Variants in SYT1 observed in about 807,000 individuals in gnomAD.
SYT1 encodes the protein synaptotagmin-1.
In SYT1, 8 loss-of-function variants were observed where a neutral mutation model predicts 44.8. The observed-to-expected ratio is 0.18, with a 90% CI of 0.10 to 0.32. SYT1 has a LOEUF of 0.32. Among genes scored for constraint, SYT1 ranks in the 10% least tolerant of loss-of-function variants. The pLI is 1.00. For missense variants in SYT1, 286 were observed against 509.3 expected (o/e 0.56, Z 4.22); for synonymous variants, 154 against 188.8 (o/e 0.82, Z 1.51).
At position 79,014,040 on chromosome 12, in the gene SYT1, G is replaced by A. The variant is rs1023081777; in HGVS notation, c.-83-33257G>A. ...CTCGGGATCATGAGGCAGGAGAATCGCTTGAACCCAGGAGGCAAGGGTTGC... is the reference window on the plus strand; with the variant it reads ...CTCGGGATCATGAGGCAGGAGAATCACTTGAACCCAGGAGGCAAGGGTTGC... On this transcript the variant is annotated intron_variant, in intron 2 of 10. Coordinates refer to ENST00000261205, the MANE Select transcript of SYT1 (RefSeq NM_005639.3). Among the ~76,000 whole-genome samples the A allele has an allele frequency of 1.1e-3, 157 of 146,936 alleles. 1 individual carries two copies. Among genetic ancestry groups the A allele is most frequent in the Non-Finnish European group, 3.4e-4 (23 of 67,438 alleles).
chr12:79,385,931 T>A (rs980901914), intron 9 of SYT1, among the ~76,000 whole-genome samples: 1 of 152,070 alleles, frequency 6.6e-6, no homozygotes, highest in African/African-American at 2.4e-5. Flanking sequence ...GCTAGAAAAA[T>A]CTTGTAGTCA....
intron 3 of SYT1, among the ~76,000 whole-genome samples, chr12:79,143,232 CA>C (rs1163203755): frequency 1.3e-5 from 2 of 152,206 alleles, no homozygotes; most frequent in Non-Finnish European, 2.9e-5. Flanking sequence ...TTTATACACA[CA>C]TAACATCCAA....
At chr12:79,396,684 A>G (rs1250204068) in intron 9 of SYT1, among the ~76,000 whole-genome samples, 2 of 152,164 alleles carry the variant, frequency 1.3e-5, no homozygotes, top group African/African-American at 2.4e-5. Flanking sequence ...TGTGACTCAA[A>G]TACTTTGTGT....
chr12:79,421,006 C>A (rs1310471929), intron 9 of SYT1, among the ~76,000 whole-genome samples: 1 of 152,046 alleles, frequency 6.6e-6, no homozygotes, highest in African/African-American at 2.4e-5. Context: ...AGATGCTTTC[C>A]TTTAAACAAA....
At chr12:78,906,321 A>G (rs181655787) in intron 1 of SYT1, among the ~76,000 whole-genome samples, 65 of 152,246 alleles carry the variant, frequency 4.3e-4, no homozygotes, top group Middle Eastern at 3.4e-3. Context: ...TTTCCTCATG[A>G]CAAGTGGAAG....
At chr12:78,931,222 A>AG (rs1877649601) in intron 1 of SYT1, among the ~76,000 whole-genome samples, 5 of 59,094 alleles carry the variant, frequency 8.5e-5, no homozygotes, top group African/African-American at 4.8e-4. Flanking sequence ...AAAGAAAGAA[A>AG]GAAAGAAAGA....
In SYT1 at chr12:79,051,476, T is replaced by C. The variant is rs375982883; in HGVS notation, c.-18+4114T>C. Among the ~76,000 whole-genome samples, 18 of 151,322 alleles carry C rather than the reference T, an allele frequency of 1.2e-4. No individual in the cohort carries two copies. In the East Asian group the frequency reaches 2.1e-3, roughly 18 times the overall value. Reference sequence around the variant, plus strand: ...TAATCCATCTCCACCTAATATTTATTAATGATAAGTAGTAAAGAAAAATAA... The same window carrying C: ...TAATCCATCTCCACCTAATATTTATCAATGATAAGTAGTAAAGAAAAATAA... On this transcript the variant is annotated intron_variant, in intron 3 of 10. Coordinates refer to ENST00000261205, the MANE Select transcript of SYT1 (RefSeq NM_005639.3).
chr12:79,100,220 G>T (rs1351627971), intron 3 of SYT1, among the ~76,000 whole-genome samples: 1 of 151,886 alleles, frequency 6.6e-6, no homozygotes, highest in East Asian at 1.9e-4. Context: ...TATGTTTATC[G>T]CCCATTTTAT....
rs375495790 is a variant in SYT1 at position 79,117,758 on chromosome 12, AAC to A, written c.-18+70400_-18+70401del. 2.8e-4 allele frequency among the ~76,000 whole-genome samples: 40 copies of A among 140,656 alleles called. 1 individual carries two copies. The East Asian group carries it at 7.9e-3, about 28-fold the overall frequency. 92.3% of individuals were successfully genotyped at this position (140,656 alleles called of 152,430 possible). ...ACAGAAGATTTTCAAACCAATCATT[AAC>A]ACATGTAAGAGCTAGGTCATATTAT... On this transcript the variant is annotated intron_variant, in intron 3 of 10. Coordinates refer to ENST00000261205, the MANE Select transcript of SYT1 (RefSeq NM_005639.3).
chr12:79,149,356 GT>G (rs1173374947), intron 3 of SYT1, among the ~76,000 whole-genome samples: 1 of 152,054 alleles, frequency 6.6e-6, no homozygotes, highest in South Asian at 2.1e-4. Flanking sequence ...ACTGAAATAT[GT>G]TTTTTCTGTC....
chr12:78,985,772 C>T (rs11834091), intron 2 of SYT1, among the ~76,000 whole-genome samples: 10,812 of 151,878 alleles, frequency 0.071, 474 homozygotes, highest in East Asian at 0.15. Flanking sequence ...GATCAGTGTG[C>T]TTCAAGTTTA....
chr12:79,207,002 T>A (rs2138519073), intron 3 of SYT1, among the ~76,000 whole-genome samples: 1 of 152,352 alleles, frequency 6.6e-6, no homozygotes, highest in East Asian at 1.9e-4. Context: ...ATGAGCATGT[T>A]TATTTTTTTC....
intron 9 of SYT1, among the ~76,000 whole-genome samples, chr12:79,361,003 T>C (rs1320529581): frequency 6.6e-6 from 1 of 152,172 alleles, no homozygotes; most frequent in Non-Finnish European, 1.5e-5. Context: ...AAATAAGTGA[T>C]AGGCTGTAAT....
At chr12:79,009,806 C>G (rs1456780631) in intron 2 of SYT1, among the ~76,000 whole-genome samples, 1 of 152,094 alleles carries the variant, frequency 6.6e-6, no homozygotes, top group Non-Finnish European at 1.5e-5. Context: ...TCATTATCAT[C>G]CTATGTTTCC....
chr12:79,411,372 G>A (rs1397419229), intron 9 of SYT1, among the ~76,000 whole-genome samples: 3 of 152,110 alleles, frequency 2.0e-5, no homozygotes, highest in Non-Finnish European at 4.4e-5. Flanking sequence ...GGGAAGCTGG[G>A]AAATGTAGTC....
intron 1 of SYT1, among the ~76,000 whole-genome samples, chr12:78,890,776 A>G (rs780884519): frequency 1.4e-4 from 22 of 151,934 alleles, no homozygotes; most frequent in Middle Eastern, 3.4e-3. Flanking sequence ...ACTCCTCGCT[A>G]TAACTGCATT....
At chr12:78,959,571 T>G (rs1329163859) in intron 1 of SYT1, among the ~76,000 whole-genome samples, 4 of 152,264 alleles carry the variant, frequency 2.6e-5, no homozygotes, top group African/African-American at 9.6e-5. Flanking sequence ...AACTTCGCCA[T>G]AGATATCCAT....
intron 3 of SYT1, among the ~76,000 whole-genome samples, chr12:79,159,332 G>A (rs1016261993): frequency 4.6e-5 from 7 of 152,152 alleles, no homozygotes; most frequent in Non-Finnish European, 8.8e-5. Context: ...GAGAGTACTG[G>A]GGAGTGAAGA....
intron 1 of SYT1, among the ~76,000 whole-genome samples, chr12:78,917,998 A>G (rs1255548473): frequency 1.3e-5 from 2 of 152,102 alleles, no homozygotes; most frequent in African/African-American, 4.8e-5. Context: ...TGTACAAGCA[A>G]TATTAACACA....
Sources: gnomAD v4.1 joint callset for allele counts (sites outside exome capture counted in the v4.1 genomes callset) on GRCh38, gnomAD v4.1.1 for gene constraint, MANE v1.5 for transcripts, NCBI Gene and HGNC (gene_info 2026-07-23, HGNC 2026-07-21) for gene names.